Variants in PKD1 observed in about 807,000 individuals in gnomAD.
The protein encoded by PKD1 is polycystin 1, transient receptor potential channel interacting, also known as polycystin-1.
In PKD1, 81 loss-of-function variants were observed where a neutral mutation model predicts 361.7. The observed-to-expected ratio is 0.22, with a 90% confidence interval of 0.19 to 0.27. PKD1 has a LOEUF of 0.27. Ranked by LOEUF, PKD1 falls within the 10% of genes least tolerant of loss-of-function variation. The pLI, the probability that PKD1 is intolerant of heterozygous loss-of-function variation, is 1.00. For missense variants in PKD1, 6,399 were observed against 6,118.3 expected (o/e 1.05, Z -1.53); for synonymous variants, 3,615 against 2,818.3 (o/e 1.28, Z -8.95).
chr16:2,107,384 C>T, intron 16 of PKD1: 3 of 366,234 alleles, frequency 8.2e-6, no homozygotes, highest in South Asian at 4.5e-5. Flanking sequence ...TCAGACGACC[C>T]CTCTGGGAAG....
chr16:2,097,158 G>T lies in PKD1; in HGVS notation c.10489C>A (p.Leu3497Ile). The change falls in exon 34 of 46, where the codon CTC becomes ATC. Residue 3497 changes from leucine (L) to isoleucine (I), a missense_variant. By Grantham distance (5) the Leu-to-Ile change is conservative. Coordinates refer to ENST00000262304, the MANE Select transcript of PKD1 (RefSeq NM_001009944.3). ...GAGCCGGACACTCACAGGCTGCTGA[G>T]CAGGTCCGTTTCCATGTGGGTGTCT... ...TQDTHMETDL[L>I]SSLSSTPGEK... 6.4e-7 allele frequency: 1 copy of T among 1,551,404 alleles called. No homozygotes were observed. The highest frequency in any genetic ancestry group is 1.2e-5 in the South Asian group (1 of 84,294).
Position 2,090,135 on chromosome 16 carries a change from G to T in PKD1, c.12504C>A (p.Gly4168=). ...GGGGCACATCCGGGGATACCTTGGA[G>T]CCCCTGGAGGAGCGAGAGGGCAGCG... ...MEPLPSRSSR[G]SKVSPDVPPP... is the part of the protein sequence containing the mutation. The change falls in exon 46 of 46, where the codon GGC becomes GGA. Residue 4168 remains glycine (G), a synonymous_variant. Transcript: ENST00000262304. 6.3e-7 allele frequency: 1 copy of T among 1,595,970 alleles called. No individual in the cohort carries two copies. The highest frequency in any genetic ancestry group is 8.5e-7 in the Non-Finnish European group (1 of 1,169,918).
In PKD1 at chr16:2,097,234, G is replaced by C. The variant is rs936900782; in HGVS notation, c.10413C>G (p.Asp3471Glu). 1 of 1,585,810 alleles carries C rather than the reference G, an allele frequency of 6.3e-7. No homozygotes were observed. The highest frequency in any genetic ancestry group is 8.6e-7 in the Non-Finnish European group (1 of 1,166,114). Residue 3471 changes from aspartate (D) to glutamate (E), a missense_variant, in exon 34 of 46, where the codon GAC becomes GAG. Coordinates refer to ENST00000262304, the MANE Select transcript of PKD1 (RefSeq NM_001009944.3). ...CCTCGGCAAGGACCTGCTGGATCAG[G>C]TCTTCATCTAGAGGTACAGGAGGCA... Reference protein sequence around the residue: ...PAKSFSASDEDLIQQVLAEGV... With the variant: ...PAKSFSASDEELIQQVLAEGV...
chr16:2,088,833 G>A lies in PKD1; in HGVS notation c.*894C>T, dbSNP rs1042551574. 1.1e-5 allele frequency: 7 copies of A among 612,758 alleles called. No individual in the cohort carries two copies. The highest frequency in any genetic ancestry group is 6.0e-5 in the Admixed American group (2 of 33,224). The allele number at this position is 612,758 out of a possible 1,614,324, so 38.0% of individuals were successfully genotyped here. A position where few individuals can be genotyped will look rare whatever the true frequency, so the allele number is the denominator to read the frequency against. On this transcript the variant is annotated 3_prime_UTR_variant, in exon 46 of 46. Coordinates refer to ENST00000262304, the MANE Select transcript of PKD1 (RefSeq NM_001009944.3). ...AGAAGCAGGCACAGCCAGCTCCGAG[G>A]GCCTTGAGGCTGCCTGGGCCATACA...
In PKD1 at chr16:2,106,463, G is replaced by C; in HGVS notation, c.7424C>G (p.Ser2475Cys). 5 of 1,590,246 alleles carry C rather than the reference G, an allele frequency of 3.1e-6. No individual in the cohort carries two copies. The highest frequency in any genetic ancestry group is 2.3e-5 in the East Asian group (1 of 44,322). Reference sequence around the variant, plus strand: ...AGCGCCCAGTGGGAAGAGGCGGCAAGAGCCCCCCAGCGGCGGGCGGTTGGG... The same window carrying C: ...AGCGCCCAGTGGGAAGAGGCGGCAACAGCCCCCCAGCGGCGGGCGGTTGGG... The part of the protein sequence containing the change: ...LSPNRPPLGG[S>C]CRLFPLGAVH... The change falls in exon 18 of 46, where the codon TCT becomes TGT. Residue 2475 changes from serine (S) to cysteine (C), a missense_variant. Physicochemically the swap from Ser to Cys is moderately radical, Grantham distance 112 (BLOSUM62 -1). Coordinates refer to ENST00000262304, the MANE Select transcript of PKD1 (RefSeq NM_001009944.3). This position sits in a 1 kb window ranked among gnomAD's most constrained non-coding sequence, Gnocchi z 6.5.
In PKD1 at chr16:2,109,184, G is replaced by C; in HGVS notation, c.5983C>G (p.Arg1995Gly). 2 of 1,598,206 alleles carry C rather than the reference G, an allele frequency of 1.3e-6. No homozygotes were observed. Among genetic ancestry groups the C allele is most frequent in the Non-Finnish European group, 8.5e-7 (1 of 1,171,490 alleles). Residue 1995 changes from arginine to glycine, a missense_variant, in exon 15 of 46, where the codon CGC becomes GGC. By Grantham distance (125) the Arg-to-Gly change is moderately radical (BLOSUM62 -2). Coordinates refer to ENST00000262304, the MANE Select transcript of PKD1 (RefSeq NM_001009944.3). ...ATGTERNFTARVQRGSRVAYA... is the reference protein window; with the variant it reads ...ATGTERNFTAGVQRGSRVAYA... ...GCGACCCGAGAGCCGCGCTGCACGC[G>C]GGCTGTGAAGTTCCTCTCAGTGCCC...
Position 2,088,872 on chromosome 16 carries a change from TGCGCGCGCGC to T in PKD1, c.*845_*854del. 2.0e-6 allele frequency: 1 copy of T among 500,476 alleles called. No homozygotes were observed. Among genetic ancestry groups the T allele is most frequent in the Non-Finnish European group, 3.6e-6 (1 of 276,960 alleles). The allele number at this position is 500,476 out of a possible 1,614,324, so 31.0% of individuals were successfully genotyped here. ...CTGGGCCATACAGCACACTCGCGCG[TGCGCGCGCGC>T]ACACACACACACACACAGTCACCTT... On this transcript the variant is annotated 3_prime_UTR_variant, in exon 46 of 46. Coordinates refer to ENST00000262304, the MANE Select transcript of PKD1 (RefSeq NM_001009944.3).
At chr16:2,112,723 C>A (rs548310791) in intron 13 of PKD1, 65 bp downstream of exon 13, 12 of 1,533,816 alleles carry the variant, frequency 7.8e-6, no homozygotes, top group Non-Finnish European at 8.9e-6. Context: ...GGGGGTCCCT[C>A]GGCTGAGGCT....
chr16:2,125,958 A>T (rs936452750), intron 1 of PKD1, among the ~76,000 whole-genome samples: 2 of 151,994 alleles, frequency 1.3e-5, no homozygotes, highest in Non-Finnish European at 2.9e-5. Context: ...GGCAGCCAGC[A>T]GGGTCCAGTG....
rs896214489 is a variant in PKD1 at position 2,088,985 on chromosome 16, G to A, written c.*742C>T. 2.8e-5 allele frequency: 8 copies of A among 289,566 alleles called. No individual in the cohort carries two copies. Among genetic ancestry groups the A allele is most frequent in the Non-Finnish European group, 5.3e-5 (8 of 149,780 alleles). 17.9% of individuals were successfully genotyped at this position (289,566 alleles called of 1,614,324 possible). ...GGGGTCCTCTGACATGCCTAGTCCTGCTACTTGCCCAGACCTGATGCCAGC... is the reference window on the plus strand; with the variant it reads ...GGGGTCCTCTGACATGCCTAGTCCTACTACTTGCCCAGACCTGATGCCAGC... On this transcript the variant is annotated 3_prime_UTR_variant, in exon 46 of 46. Transcript: ENST00000262304.
chr16:2,103,208 C>G, intron 23 of PKD1, 58 bp downstream of exon 23: 2 of 1,551,916 alleles, frequency 1.3e-6, no homozygotes. Context: ...CTACGAGAAA[C>G]GCCTTCCCCC....
In PKD1 at chr16:2,092,607, G is replaced by A. The variant is rs1027443040; in HGVS notation, c.11157-15C>T. ...GCTCCTCAGACCTGCCACAGCATCA[G>A]TCACACGCTCCAGCCCCTACTGCCC... On this transcript the variant is annotated splice_polypyrimidine_tract_variant and intron_variant, in intron 38 of 45. Transcript: ENST00000262304. 1.3e-6 allele frequency: 2 copies of A among 1,563,034 alleles called. No homozygotes were observed. Among genetic ancestry groups the A allele is most frequent in the Non-Finnish European group, 1.8e-6 (2 of 1,137,342 alleles).
At chr16:2,105,713 G>A (rs1456941201) in intron 20 of PKD1, 152 bp downstream of exon 20, 8 of 1,278,034 alleles carry the variant, frequency 6.3e-6, no homozygotes, top group African/African-American at 4.4e-5. Flanking sequence ...TGTGGCTGCT[G>A]GGAGCGGAAG....
Position 2,090,210 on chromosome 16 carries a change from G to C in PKD1, c.12445-16C>G, listed in dbSNP as rs765015291. ...TGTGGCGGAACTGGGGGCGGCACAG[G>C]GGCTCAGTCAGTCCGGCTGCACCCT... is the stretch of plus-strand genomic sequence containing the variant. On this transcript the variant is annotated splice_polypyrimidine_tract_variant and intron_variant, in intron 45 of 45. Coordinates refer to ENST00000262304, the MANE Select transcript of PKD1 (RefSeq NM_001009944.3). The C allele has an allele frequency of 1.9e-6, 3 of 1,607,890 alleles. No homozygotes were observed. In the African/African-American group the frequency reaches 4.0e-5, roughly 21 times the overall value.
chr16:2,109,496 C>T lies in PKD1; in HGVS notation c.5671G>A (p.Val1891Met). The T allele has an allele frequency of 6.2e-7, 1 of 1,609,748 alleles. No homozygotes were observed. The highest frequency in any genetic ancestry group is 8.5e-7 in the Non-Finnish European group (1 of 1,179,268). Residue 1891 changes from valine (V) to methionine (M), a missense_variant, in exon 15 of 46, where the codon GTG becomes ATG. By Grantham distance (21) the Val-to-Met change is conservative (BLOSUM62 1). Transcript: ENST00000262304. ...LTAEEPIVGL[V>M]LWASSKVVAP... is the part of the protein sequence containing the mutation. Reference sequence around the variant, plus strand: ...ACCACCTTGCTGCTGGCCCACAGCACCAGGCCCACGATGGGCTCCTCCGCC... The same window carrying T: ...ACCACCTTGCTGCTGGCCCACAGCATCAGGCCCACGATGGGCTCCTCCGCC...
rs751220995 is a variant in PKD1, at chr16:2,108,803, C to G, written c.6364G>C (p.Val2122Leu). 2.6e-6 allele frequency: 4 copies of G among 1,568,236 alleles called. No individual in the cohort carries two copies. The highest frequency in any genetic ancestry group is 2.3e-5 in the South Asian group (2 of 85,908). The change falls in exon 15 of 46, where the codon GTG becomes CTG. Residue 2122 changes from valine to leucine, a missense_variant. Transcript: ENST00000262304. ...ACCAGGTTGGAGGCGTTCACCTGCA[C>G]GCGGTAGTCCCCAGGCCTCAGGTAG... ...HSYLRPGDYR[V>L]QVNASNLVSF... is the part of the protein sequence containing the mutation.
At chr16:2,099,311 T>C (rs1043523250) in intron 30 of PKD1, 1 of 381,958 alleles carries the variant, frequency 2.6e-6, no homozygotes, top group South Asian at 2.1e-5. Context: ...TCACTTCCTA[T>C]AGATGTACTG....
At position 2,090,297 on chromosome 16, in the gene PKD1, G is replaced by C. The variant is rs1018233202; in HGVS notation, c.12432C>G (p.Ser4144Arg). 6.2e-7 allele frequency: 1 copy of C among 1,610,296 alleles called. No homozygotes were observed. Among genetic ancestry groups the C allele is most frequent in the African/African-American group, 1.3e-5 (1 of 74,852 alleles). Residue 4144 changes from serine to arginine, a missense_variant, in exon 45 of 46, where the codon AGC (serine) becomes AGG (arginine). Ser to Arg is a moderately radical substitution (Grantham distance 110). Transcript: ENST00000262304. ...GGGCCGTACCCACCTCCTTGACCTTGCTGAGGCCCATCCAGAGGCGCAGCC... is the reference window on the plus strand; with the variant it reads ...GGGCCGTACCCACCTCCTTGACCTTCCTGAGGCCCATCCAGAGGCGCAGCC... ...LRRLRLWMGL[S>R]KVKEFRHKVR... is the part of the protein sequence containing the mutation.
rs767720073 is a variant in PKD1 at position 2,109,870 on chromosome 16, A to T, written c.5297T>A (p.Phe1766Tyr). ...EGLSWETSEPFTTHSFPTPGL... is the reference protein window; with the variant it reads ...EGLSWETSEPYTTHSFPTPGL... ...GGGTGTGGGGAAGCTATGGGTGGTA[A>T]ATGGCTCGGAGGTCTCCCAGCTCAG... The change falls in exon 15 of 46, where the codon TTT becomes TAT. Residue 1766 changes from phenylalanine (F) to tyrosine (Y), a missense_variant. By Grantham distance (22) the Phe-to-Tyr change is conservative (BLOSUM62 3). Transcript: ENST00000262304. 6.2e-7 allele frequency: 1 copy of T among 1,610,598 alleles called. No homozygotes were observed.
Sources: allele counts gnomAD v4.1 joint callset (sites outside exome capture counted in the v4.1 genomes callset), GRCh38; gene constraint gnomAD v4.1.1; non-coding constraint Gnocchi (gnomAD v3.1); transcripts MANE v1.5; gene names NCBI Gene and HGNC (gene_info 2026-07-23, HGNC 2026-07-21).